The following ZBTB8B variants were observed in gnomAD, a reference collection of about 807,000 sequenced individuals.
ZBTB8B encodes zinc finger and BTB domain containing 8B.
Under a neutral mutation model 30.3 loss-of-function variants are expected in ZBTB8B, and 17 were observed. That is an observed-to-expected ratio of 0.56 (90% CI 0.38 to 0.84). The LOEUF is 0.84. Ranked by LOEUF, ZBTB8B falls within the 40% of genes least tolerant of loss-of-function variation. The pLI is 0.00. For synonymous variants in ZBTB8B, 248 were observed against 255.6 expected (o/e 0.97, Z 0.28); for missense variants, 515 against 644.9 (o/e 0.80, Z 2.18).
chr1:32,465,984 C>T lies in ZBTB8B; in HGVS notation c.-42+879C>T, dbSNP rs550745851. On this transcript the variant is annotated intron_variant, in intron 1 of 3. Coordinates refer to ENST00000609129, the MANE Select transcript of ZBTB8B (RefSeq NM_001145720.2). The surrounding 1 kb of genome is among the most constrained non-coding windows in gnomAD (Gnocchi z 4.1). ...ATCTCTTGAGCCCAGGAGTTCCAGG[C>T]TGCATTGAGGTAGGATCGTGCACTC... 6.6e-6 allele frequency among the ~76,000 whole-genome samples: 1 copy of T among 152,228 alleles called. No homozygotes were observed. Among genetic ancestry groups the T allele is most frequent in the East Asian group, 1.9e-4 (1 of 5,186 alleles).
At chr1:32,483,571 G>C (rs1478571658) in intron 3 of ZBTB8B, among the ~76,000 whole-genome samples, 1 of 152,188 alleles carries the variant, frequency 6.6e-6, no homozygotes, top group Non-Finnish European at 1.5e-5. Context: ...GGGAAGGACA[G>C]CATTAGGAGA....
rs1308044159 is a variant in ZBTB8B at position 32,492,151 on chromosome 1, G to C, written c.*6733G>C. ...CTAGCCAAAATATCATGTATCCTTT[G>C]GTGTCACTCATAATAGGTGAGTATA... is the stretch of plus-strand genomic sequence containing the variant. On this transcript the variant is annotated 3_prime_UTR_variant, in exon 4 of 4. Coordinates refer to ENST00000609129, the MANE Select transcript of ZBTB8B (RefSeq NM_001145720.2). The C allele has an allele frequency of 6.6e-6, 1 of 152,042 alleles. No homozygotes were observed. Among genetic ancestry groups the C allele is most frequent in the Non-Finnish European group, 1.5e-5 (1 of 68,030 alleles). 9.4% of individuals were successfully genotyped at this position (152,042 alleles called of 1,614,324 possible). A position where few individuals can be genotyped will look rare whatever the true frequency, so the allele number is the denominator to read the frequency against.
chr1:32,469,057 C>T (rs1301734385), intron 1 of ZBTB8B, among the ~76,000 whole-genome samples: 2 of 151,430 alleles, frequency 1.3e-5, no homozygotes, highest in African/African-American at 2.4e-5. Context: ...ATTGGCCAGG[C>T]GCAGTGGTAT....
chr1:32,491,940 T>C lies in ZBTB8B; in HGVS notation c.*6522T>C, dbSNP rs1643782396. On this transcript the variant is annotated 3_prime_UTR_variant, in exon 4 of 4. Transcript: ENST00000609129. ...CCAAACACTATGCTAAGCAATTGCA[T>C]AACAGATATTACACCTAATTCCTAT... is the stretch of plus-strand genomic sequence containing the variant. The C allele has an allele frequency of 6.6e-6, 1 of 152,114 alleles. No individual in the cohort carries two copies. Among genetic ancestry groups the C allele is most frequent in the Admixed American group, 6.5e-5 (1 of 15,274 alleles). 9.4% of individuals were successfully genotyped at this position (152,114 alleles called of 1,614,324 possible).
At chr1:32,478,247 C>T (rs896859515) in intron 2 of ZBTB8B, among the ~76,000 whole-genome samples, 1 of 151,182 alleles carries the variant, frequency 6.6e-6, no homozygotes, top group Non-Finnish European at 1.5e-5. Flanking sequence ...CATGGTGGCT[C>T]ACGCCTATAA....
At chr1:32,474,537 A>T (rs1643648460) in intron 2 of ZBTB8B, among the ~76,000 whole-genome samples, 1 of 151,704 alleles carries the variant, frequency 6.6e-6, no homozygotes, top group South Asian at 2.1e-4. Flanking sequence ...TGTCTCAAAA[A>T]AAAAAGGAAA....
chr1:32,465,578 C>T lies in ZBTB8B; in HGVS notation c.-42+473C>T, dbSNP rs1274799050. ...GCTGGACGGGGGAGGGTCTGTCTTG[C>T]GAGCAGTTTAGATGCAGTTGACCCT... On this transcript the variant is annotated intron_variant, in intron 1 of 3. Transcript: ENST00000609129. The surrounding 1 kb of genome is among the most constrained non-coding windows in gnomAD (Gnocchi z 4.1). Among the ~76,000 whole-genome samples the T allele has an allele frequency of 6.6e-6, 1 of 152,176 alleles. No individual in the cohort carries two copies. Among genetic ancestry groups the T allele is most frequent in the African/African-American group, 2.4e-5 (1 of 41,444 alleles).
intron 1 of ZBTB8B, among the ~76,000 whole-genome samples, chr1:32,470,271 C>G (rs1299409439): frequency 6.6e-6 from 1 of 151,652 alleles, no homozygotes; most frequent in Non-Finnish European, 1.5e-5. Context: ...GAGGCCGAGG[C>G]GGGCGGATCA....
intron 2 of ZBTB8B, among the ~76,000 whole-genome samples, chr1:32,474,275 G>A (rs1313768473): frequency 7.3e-6 from 1 of 137,240 alleles, no homozygotes; most frequent in Non-Finnish European, 1.5e-5. Flanking sequence ...GAGAGGCCAA[G>A]GAGGGAGGAT....
At chr1:32,485,019 C>A in intron 3 of ZBTB8B, 82 bp from the exon 4 acceptor site, 1 of 1,368,084 alleles carries the variant, frequency 7.3e-7, no homozygotes, top group Non-Finnish European at 1.0e-6. Flanking sequence ...GAGGATCAGG[C>A]AGGGGCCAGA....
In ZBTB8B at chr1:32,492,364, G is replaced by A; in HGVS notation, c.*6946G>A. Reference sequence around the variant, plus strand: ...TGTTGCCAGGCTGGAGTGCAGTGGTGCAATCTCGGCTCACCACAACCTCCG... The same window carrying A: ...TGTTGCCAGGCTGGAGTGCAGTGGTACAATCTCGGCTCACCACAACCTCCG... On this transcript the variant is annotated 3_prime_UTR_variant, in exon 4 of 4. Coordinates refer to ENST00000609129, the MANE Select transcript of ZBTB8B (RefSeq NM_001145720.2). 1 of 149,774 alleles carries A rather than the reference G, an allele frequency of 6.7e-6. No homozygotes were observed. Among genetic ancestry groups the A allele is most frequent in the Non-Finnish European group, 1.5e-5 (1 of 68,848 alleles). The allele number at this position is 149,774 out of a possible 1,614,324, so 9.3% of individuals were successfully genotyped here.
rs777072321 is a variant in ZBTB8B, at chr1:32,495,263, A to T, written c.*9845A>T. ...TTTCTTGACTCAGTGGATTTTAATCAGTCTACTGCAAAAGCTAGTTTTATT... is the reference window on the plus strand; with the variant it reads ...TTTCTTGACTCAGTGGATTTTAATCTGTCTACTGCAAAAGCTAGTTTTATT... On this transcript the variant is annotated 3_prime_UTR_variant, in exon 4 of 4. Coordinates refer to ENST00000609129, the MANE Select transcript of ZBTB8B (RefSeq NM_001145720.2). 2.9e-4 allele frequency: 44 copies of T among 152,240 alleles called. No individual in the cohort carries two copies. Among genetic ancestry groups the T allele is most frequent in the Non-Finnish European group, 4.7e-4 (32 of 68,050 alleles). 9.4% of individuals were successfully genotyped at this position (152,240 alleles called of 1,614,324 possible).
chr1:32,480,812 C>T (rs1643698043), intron 2 of ZBTB8B, 79 bp from the exon 3 acceptor site: 1 of 1,393,786 alleles, frequency 7.2e-7, no homozygotes, highest in Middle Eastern at 1.8e-4. Context: ...TTCCCCAGCT[C>T]TGGATCCCAT....
chr1:32,483,245 A>AT (rs1267049293), intron 3 of ZBTB8B, among the ~76,000 whole-genome samples: 1 of 65,230 alleles, frequency 1.5e-5, no homozygotes, highest in African/African-American at 4.8e-5. Context: ...CTAAAAATCC[A>AT]AAAAAAAAAA....
Position 32,484,558 on chromosome 1 carries a change from T to A in ZBTB8B, c.1171-543T>A, listed in dbSNP as rs887227883. ...AAGATGAAGACTCATATGGTTTGGA[T>A]CTCTGTCCCCACTCAAATCTCATGT... On this transcript the variant is annotated intron_variant, in intron 3 of 3. Transcript: ENST00000609129. This position sits in a 1 kb window ranked among gnomAD's most constrained non-coding sequence, Gnocchi z 4.5. 3.3e-5 allele frequency among the ~76,000 whole-genome samples: 5 copies of A among 152,054 alleles called. No homozygotes were observed. The highest frequency in any genetic ancestry group is 7.4e-5 in the Non-Finnish European group (5 of 68,010).
intron 2 of ZBTB8B, among the ~76,000 whole-genome samples, chr1:32,474,597 C>G (rs1394057911): frequency 6.6e-6 from 1 of 151,942 alleles, no homozygotes; most frequent in African/African-American, 2.4e-5. Context: ...TTCTGAGACA[C>G]TGGCTTCACC....
Position 32,487,747 on chromosome 1 carries a change from C to T in ZBTB8B, c.*2329C>T, listed in dbSNP as rs557113717. ...ATCCCAGCTACTCAGGAGGCTGTGG[C>T]GAGAGGAACACTTGAGCCTGGAAAA... On this transcript the variant is annotated 3_prime_UTR_variant, in exon 4 of 4. Coordinates refer to ENST00000609129, the MANE Select transcript of ZBTB8B (RefSeq NM_001145720.2). The T allele has an allele frequency of 6.6e-6, 1 of 151,948 alleles. No homozygotes were observed. The highest frequency in any genetic ancestry group is 2.4e-5 in the African/African-American group (1 of 41,388). The allele number at this position is 151,948 out of a possible 1,614,324, so 9.4% of individuals were successfully genotyped here.
chr1:32,475,824 T>TC (rs978069724), intron 2 of ZBTB8B, among the ~76,000 whole-genome samples: 2 of 150,338 alleles, frequency 1.3e-5, no homozygotes, highest in African/African-American at 4.9e-5. Flanking sequence ...AGGTTTTTTT[T>TC]TTTTTTTTTT....
At position 32,484,884 on chromosome 1, in the gene ZBTB8B, A is replaced by G. The variant is rs1362619928; in HGVS notation, c.1171-217A>G. Among the ~76,000 whole-genome samples, 3 of 152,118 alleles carry G rather than the reference A, an allele frequency of 2.0e-5. No homozygotes were observed. The highest frequency in any genetic ancestry group is 7.2e-5 in the African/African-American group (3 of 41,422). ...TTCCTGTACAGCCTGTGGAACTGTG[A>G]GCCAATTAAACCTCTTTTCTTTATA... On this transcript the variant is annotated intron_variant, in intron 3 of 3. Transcript: ENST00000609129. The surrounding 1 kb of genome is among the most constrained non-coding windows in gnomAD (Gnocchi z 4.5).
Sources: allele counts gnomAD v4.1 joint callset (sites outside exome capture counted in the v4.1 genomes callset), GRCh38; gene constraint gnomAD v4.1.1; non-coding constraint Gnocchi (gnomAD v3.1); transcripts MANE v1.5; gene names NCBI Gene and HGNC (gene_info 2026-07-23, HGNC 2026-07-21).